Variants in HELZ observed in about 807,000 individuals in gnomAD.
HELZ encodes the protein helicase with zinc finger.
Under a neutral mutation model 218.2 loss-of-function variants are expected in HELZ, and 23 were observed. That is an observed-to-expected ratio of 0.11 (90% confidence interval 0.08 to 0.15). The LOEUF (loss-of-function observed/expected upper bound fraction) is 0.15. Ranked by LOEUF, HELZ falls within the 10% of genes least tolerant of loss-of-function variation. The pLI is 1.00. For synonymous variants in HELZ, 814 were observed against 829.4 expected, an observed-to-expected ratio of 0.98 and a Z score of 0.32; for missense variants, 1,813 against 2,353.7, an observed-to-expected ratio of 0.77 and a Z score of 4.75.
intron 32 of HELZ, among the ~76,000 whole-genome samples, chr17:67,080,151 G>A (rs1422909335): frequency 6.6e-6 from 1 of 152,070 alleles, no homozygotes; most frequent in Non-Finnish European, 1.5e-5. Flanking sequence ...TTATTATGTG[G>A]CATAAGGTAA....
upstream of HELZ, chr17:67,245,535 C>G (rs1036578982): frequency 3.0e-4 from 297 of 982,728 alleles, no homozygotes; most frequent in Non-Finnish European, 3.5e-4. Context: ...CCTTGCCGCC[C>G]GCGGCGCGGC....
At chr17:67,126,686 A>AC (rs1167627372) in intron 24 of HELZ, among the ~76,000 whole-genome samples, 23 of 126,218 alleles carry the variant, frequency 1.8e-4, no homozygotes, top group African/African-American at 7.0e-4. Flanking sequence ...CTGTCCTGCT[A>AC]AAACACACAC....
chr17:67,156,496 C>A (rs1357866889), intron 17 of HELZ, among the ~76,000 whole-genome samples: 1 of 152,082 alleles, frequency 6.6e-6, no homozygotes. Context: ...CATGGCTTAC[C>A]CTCCATCTAA....
rs1235119328 is a variant in HELZ at position 67,167,562 on chromosome 17, A to G, written c.1665T>C (p.Tyr555=). 28 of 1,613,840 alleles carry G rather than the reference A, an allele frequency of 1.7e-5. No homozygotes were observed. In the East Asian group the frequency reaches 6.2e-4, roughly 36 times the overall value. ...TTGTTTTTTCTTCAATAGTAGCTTC[A>G]TAAACCTTCTCTTTGGTTCCCTGGG... ...VQTQGTKEKV[Y]EATIEEKTKE... Residue 555 remains tyrosine, a synonymous_variant, in exon 14 of 33, where the codon TAT becomes TAC. Coordinates refer to ENST00000358691, the MANE Select transcript of HELZ (RefSeq NM_014877.4).
chr17:67,180,075 T>C (rs2039565090), intron 12 of HELZ, among the ~76,000 whole-genome samples: 1 of 152,186 alleles, frequency 6.6e-6, no homozygotes, highest in Non-Finnish European at 1.5e-5. Flanking sequence ...TAACCTTTGC[T>C]CCTTGAAAAG....
intron 31 of HELZ, among the ~76,000 whole-genome samples, chr17:67,092,554 A>C (rs182276619): frequency 6.7e-4 from 102 of 152,318 alleles, no homozygotes; most frequent in African/African-American, 2.4e-3. Flanking sequence ...ACAAGCAAAA[A>C]TCCGGGAAAA....
Position 67,078,203 on chromosome 17 carries a change from G to T in HELZ, c.*49C>A. The T allele has an allele frequency of 7.5e-7, 1 of 1,338,032 alleles. No homozygotes were observed. Among genetic ancestry groups the T allele is most frequent in the Non-Finnish European group, 1.1e-6 (1 of 935,034 alleles). The allele number at this position is 1,338,032 out of a possible 1,614,324, so 82.9% of individuals were successfully genotyped here. On this transcript the variant is annotated 3_prime_UTR_variant, in exon 33 of 33. Coordinates refer to ENST00000358691, the MANE Select transcript of HELZ (RefSeq NM_014877.4). ...GAAGTCCAACTACCTTAATTCTACT[G>T]ATACAAACAGAAATTAAAACATTCT... is the stretch of plus-strand genomic sequence containing the variant.
chr17:67,184,926 T>C (rs1240280805), intron 12 of HELZ, among the ~76,000 whole-genome samples: 2 of 152,212 alleles, frequency 1.3e-5, no homozygotes, highest in Non-Finnish European at 2.9e-5. Flanking sequence ...AATTATATTA[T>C]AATTTATAAT....
At chr17:67,116,051 T>C (rs1371017833) in intron 27 of HELZ, among the ~76,000 whole-genome samples, 2 of 152,112 alleles carry the variant, frequency 1.3e-5, no homozygotes, top group Admixed American at 1.3e-4. Context: ...AAAAATAGCA[T>C]ACTTTAAGCT....
At chr17:67,159,865 A>AGGT (rs1175397350) in intron 17 of HELZ, among the ~76,000 whole-genome samples, 1 of 152,174 alleles carries the variant, frequency 6.6e-6, no homozygotes, top group Non-Finnish European at 1.5e-5. Context: ...ATCACAGCCA[A>AGGT]AATTTTATTT....
At chr17:67,089,238 A>T (rs955094916) in intron 31 of HELZ, among the ~76,000 whole-genome samples, 1 of 152,208 alleles carries the variant, frequency 6.6e-6, no homozygotes, top group African/African-American at 2.4e-5. Flanking sequence ...TAACTTTATA[A>T]GCCCCTTTTC....
At chr17:67,217,410 A>G (rs995485018) in intron 4 of HELZ, among the ~76,000 whole-genome samples, 2 of 152,190 alleles carry the variant, frequency 1.3e-5, no homozygotes, top group Admixed American at 1.3e-4. Flanking sequence ...GGCCTGGATT[A>G]TTCTAATAGT....
In HELZ at chr17:67,218,598, T is replaced by C. The variant is rs564215182; in HGVS notation, c.207A>G (p.Gln69=). The C allele has an allele frequency of 6.2e-7, 1 of 1,611,700 alleles. No homozygotes were observed. The highest frequency in any genetic ancestry group is 8.5e-7 in the Non-Finnish European group (1 of 1,177,742). The change falls in exon 4 of 33, where the codon CAA becomes CAG. Residue 69 remains glutamine, a synonymous_variant. Transcript: ENST00000358691. ...SLLYRIASFL[Q]LKNYVQADED... is the part of the protein sequence containing the mutation. ...CTTATTGACAGTGTTTACTCACCAGTTGCAAAAATGAGGCAATTCTGTAGA... is the reference window on the plus strand; with the variant it reads ...CTTATTGACAGTGTTTACTCACCAGCTGCAAAAATGAGGCAATTCTGTAGA...
chr17:67,210,946 TA>T (rs2040434379), intron 5 of HELZ, among the ~76,000 whole-genome samples: 1 of 152,126 alleles, frequency 6.6e-6, no homozygotes, highest in Non-Finnish European at 1.5e-5. Context: ...ATATAATGAC[TA>T]TTCGAAAGGC....
At position 67,166,872 on chromosome 17, in the gene HELZ, A is replaced by G. The variant is rs982437465; in HGVS notation, c.1765-264T>C. 5.3e-5 allele frequency among the ~76,000 whole-genome samples: 8 copies of G among 152,228 alleles called. No individual in the cohort carries two copies. In the South Asian group the frequency reaches 6.2e-4, roughly 12 times the overall value. On this transcript the variant is annotated intron_variant, in intron 14 of 32. Transcript: ENST00000358691. ...TATACTATTATTAACATCATTTTAC[A>G]TATTAAGAAATTGACATATTTGTAA...
At chr17:67,201,982 A>G (rs1381549130) in intron 6 of HELZ, among the ~76,000 whole-genome samples, 2 of 152,150 alleles carry the variant, frequency 1.3e-5, no homozygotes, top group Admixed American at 1.3e-4. Context: ...GGGCCAATAC[A>G]TTACACTCAA....
chr17:67,122,904 T>TTAGAACCATTTTAGTGAAAC, intron 26 of HELZ, 66 bp downstream of exon 26: 1 of 1,222,212 alleles, frequency 8.2e-7, no homozygotes, highest in Non-Finnish European at 1.2e-6. Context: ...CTATTTGGGA[T>TTAGAACCATTTTAGTGAAAC]TAGAACCATT....
chr17:67,135,902 A>C (rs2038134718), intron 23 of HELZ, 68 bp downstream of exon 23: 2 of 1,258,370 alleles, frequency 1.6e-6, no homozygotes, highest in Non-Finnish European at 2.2e-6. Context: ...ATATGAATAA[A>C]TATACACATA....
intron 20 of HELZ, among the ~76,000 whole-genome samples, chr17:67,147,718 A>C (rs1434431003): frequency 2.0e-5 from 3 of 150,400 alleles, no homozygotes; most frequent in African/African-American, 7.3e-5. Context: ...TCCTGAACTC[A>C]AGCAAATCTC....
Sources: gnomAD v4.1 joint callset for allele counts (sites outside exome capture counted in the v4.1 genomes callset) on GRCh38, gnomAD v4.1.1 for gene constraint, MANE v1.5 for transcripts, NCBI Gene and HGNC (gene_info 2026-07-23, HGNC 2026-07-21) for gene names.